NSMCE2: variants seen among roughly 807,000 people sequenced by gnomAD.
NSMCE2 encodes the protein NSE2 SUMO ligase component of SMC5/6 complex.
A neutral mutation model predicts 23.8 loss-of-function variants in NSMCE2; 24 were observed. That is an observed-to-expected ratio of 1.01 (90% confidence interval 0.73 to 1.42). The LOEUF (loss-of-function observed/expected upper bound fraction) is 1.42, where lower values mean the gene tolerates loss of function less well. Ranked by LOEUF, NSMCE2 falls within the 40% of genes most tolerant of loss-of-function variation. The probability of loss-of-function intolerance (pLI) is 0.00; values close to 1 mark genes in which losing one functional copy is unlikely to be tolerated. For missense variants in NSMCE2, 284 were observed against 296.5 expected (o/e 0.96, Z 0.31); for synonymous variants, 92 against 94.1 (o/e 0.98, Z 0.13).
At chr8:125,360,646 G>C (rs1813497779) in intron 7 of NSMCE2, among the ~76,000 whole-genome samples, 2 of 152,194 alleles carry the variant, frequency 1.3e-5, no homozygotes, top group South Asian at 4.1e-4. Context: ...CTGAAGGCCA[G>C]GTGCATTTGG....
intron 5 of NSMCE2, among the ~76,000 whole-genome samples, chr8:125,297,111 C>T (rs1828361197): frequency 1.3e-5 from 2 of 152,158 alleles, no homozygotes; most frequent in Non-Finnish European, 2.9e-5. Context: ...TCAATGAATT[C>T]GTAACATCTC....
At chr8:125,351,888 C>T (rs150338627) in intron 5 of NSMCE2, among the ~76,000 whole-genome samples, 14 of 152,206 alleles carry the variant, frequency 9.2e-5, no homozygotes, top group African/African-American at 2.6e-4. Flanking sequence ...TGGTGGGTGC[C>T]TGTAATCCCA....
chr8:125,218,862 C>T (rs1455448483), intron 5 of NSMCE2, among the ~76,000 whole-genome samples: 2 of 152,110 alleles, frequency 1.3e-5, no homozygotes, highest in Non-Finnish European at 2.9e-5. Context: ...TTTTATGTTA[C>T]GTGTTTTAAA....
chr8:125,216,874 A>G (rs1183640682), intron 5 of NSMCE2, among the ~76,000 whole-genome samples: 1 of 152,194 alleles, frequency 6.6e-6, no homozygotes, highest in East Asian at 1.9e-4. Flanking sequence ...GGAAAGTAAG[A>G]TGTTCTGGTA....
At chr8:125,349,584 A>T (rs202069595) in intron 5 of NSMCE2, among the ~76,000 whole-genome samples, 2 of 9,586 alleles carry the variant, frequency 2.1e-4, no homozygotes, top group East Asian at 3.8e-3. Flanking sequence ...GCTTGTATTT[A>T]AAAAAAAAAA....
intron 3 of NSMCE2, among the ~76,000 whole-genome samples, chr8:125,150,202 G>T (rs1820919463): frequency 6.6e-6 from 1 of 152,120 alleles, no homozygotes. Flanking sequence ...AGCAGGGAGA[G>T]ATTACTTTTG....
intron 5 of NSMCE2, among the ~76,000 whole-genome samples, chr8:125,315,051 A>G (rs1829126131): frequency 6.6e-6 from 1 of 152,122 alleles, no homozygotes; most frequent in Non-Finnish European, 1.5e-5. Context: ...GGCGAAACAG[A>G]CACAGAATAA....
chr8:125,310,041 A>T (rs1387138501), intron 5 of NSMCE2, among the ~76,000 whole-genome samples: 1 of 152,208 alleles, frequency 6.6e-6, no homozygotes, highest in Non-Finnish European at 1.5e-5. Context: ...ATCCTAGGTA[A>T]ACAGAGACAC....
intron 4 of NSMCE2, among the ~76,000 whole-genome samples, chr8:125,175,773 C>G (rs1822455416): frequency 6.6e-6 from 1 of 152,140 alleles, no homozygotes; most frequent in Admixed American, 6.5e-5. Flanking sequence ...AAATGACACA[C>G]TTTAAGTAAT....
intron 5 of NSMCE2, among the ~76,000 whole-genome samples, chr8:125,333,971 A>G (rs930155955): frequency 7.2e-5 from 11 of 152,136 alleles, no homozygotes; most frequent in African/African-American, 2.7e-4. Context: ...TCACCCTCAC[A>G]GTCAGTGCAG....
intron 5 of NSMCE2, among the ~76,000 whole-genome samples, chr8:125,299,096 C>T (rs2131189903): frequency 6.6e-6 from 1 of 152,266 alleles, no homozygotes; most frequent in Middle Eastern, 3.4e-3. Context: ...TACTGTGACC[C>T]AGTGAACCAT....
At chr8:125,200,498 G>A (rs1004484301) in intron 5 of NSMCE2, among the ~76,000 whole-genome samples, 7 of 152,054 alleles carry the variant, frequency 4.6e-5, no homozygotes, top group African/African-American at 1.7e-4. Flanking sequence ...GTTGAATATC[G>A]GCCCCCACTC....
chr8:125,261,071 C>T (rs988562099), intron 5 of NSMCE2, among the ~76,000 whole-genome samples: 1 of 152,086 alleles, frequency 6.6e-6, no homozygotes, highest in African/African-American at 2.4e-5. Flanking sequence ...ATTTACATTT[C>T]GGTGAAAAGG....
chr8:125,258,081 T>C (rs1473133562), intron 5 of NSMCE2, among the ~76,000 whole-genome samples: 1 of 152,154 alleles, frequency 6.6e-6, no homozygotes, highest in Non-Finnish European at 1.5e-5. Flanking sequence ...TATTCAGAGA[T>C]AGAAGGGCAG....
At chr8:125,157,996 T>A (rs1183081057) in intron 4 of NSMCE2, among the ~76,000 whole-genome samples, 1 of 152,236 alleles carries the variant, frequency 6.6e-6, no homozygotes, top group Non-Finnish European at 1.5e-5. Context: ...TGCAATGTGA[T>A]TCTCCAAAGG....
intron 5 of NSMCE2, among the ~76,000 whole-genome samples, chr8:125,327,900 A>AT (rs1829735446): frequency 6.6e-6 from 1 of 152,234 alleles, no homozygotes. Context: ...ATAGATTAAT[A>AT]TCAAGGTAAT....
At chr8:125,103,026 G>T (rs1818273162) in intron 3 of NSMCE2, among the ~76,000 whole-genome samples, 1 of 152,172 alleles carries the variant, frequency 6.6e-6, no homozygotes, top group Non-Finnish European at 1.5e-5. Context: ...CTAGCACTTT[G>T]GGAGGCCGAG....
At chr8:125,319,947 TG>T (rs1184082826) in intron 5 of NSMCE2, among the ~76,000 whole-genome samples, 2 of 151,980 alleles carry the variant, frequency 1.3e-5, no homozygotes, top group African/African-American at 4.8e-5. Flanking sequence ...AGGCCAAGGC[TG>T]GCAGATCACC....
chr8:125,213,546 A>ACTCCTCTCCTCTCCTCTCCCCTCCT (rs1824441574), intron 5 of NSMCE2, among the ~76,000 whole-genome samples: 1 of 21,968 alleles, frequency 4.6e-5, no homozygotes, highest in African/African-American at 1.9e-4. Flanking sequence ...TCTCCCCTCC[A>ACTCCTCTCCTCTCCTCTCCCCTCCT]CTCCCCTCCC....
Sources: gnomAD v4.1 joint callset for allele counts (sites outside exome capture counted in the v4.1 genomes callset) on GRCh38, gnomAD v4.1.1 for gene constraint, MANE v1.5 for transcripts, NCBI Gene and HGNC (gene_info 2026-07-23, HGNC 2026-07-21) for gene names.